The following LAMA3 variants were observed in gnomAD, a reference collection of about 807,000 sequenced individuals.
LAMA3 encodes laminin subunit alpha-3.
In LAMA3, 281 loss-of-function variants were observed where a neutral mutation model predicts 402.0. That is an observed-to-expected ratio of 0.70 (90% confidence interval 0.63 to 0.77). The LOEUF (loss-of-function observed/expected upper bound fraction) is 0.77. Ranked by LOEUF, LAMA3 falls within the 30% of genes least tolerant of loss-of-function variation. LAMA3 has a pLI of 0.00. For missense variants in LAMA3, 3,840 were observed against 4,215.5 expected (o/e 0.91, Z 2.47); for synonymous variants, 1,431 against 1,558.4 (o/e 0.92, Z 1.93).
At position 23,710,293 on chromosome 18, in the gene LAMA3, GAAA is replaced by G. The variant is rs1195426216; in HGVS notation, c.295-3625_295-3623del. On this transcript the variant is annotated intron_variant, in intron 1 of 74. Coordinates refer to ENST00000313654, the MANE Select transcript of LAMA3 (RefSeq NM_198129.4). The stretch of plus-strand genomic sequence containing the variant: ...TTCTTCGCCTTCGGCGCCATCTTGT[GAAA>G]AGACCGCAAGTTTGATTTTCAAAAG... 7.9e-6 allele frequency: 4 copies of G among 509,386 alleles called. No individual in the cohort carries two copies. In the South Asian group the frequency reaches 8.1e-5, roughly 10 times the overall value. 31.6% of individuals were successfully genotyped at this position (509,386 alleles called of 1,614,324 possible).
At chr18:23,893,367 C>T (rs1220249585) in intron 42 of LAMA3, among the ~76,000 whole-genome samples, 1 of 152,128 alleles carries the variant, frequency 6.6e-6, no homozygotes, top group African/African-American at 2.4e-5. Flanking sequence ...TAGCTGAGAA[C>T]CTCAAAACTC....
rs576470630 is a variant in LAMA3, at chr18:23,890,482, G to T, written c.5410+365G>T. ...GGGTTATTGTCTCATCAGCTTTCCC[G>T]TGTGTGTCTGAAGAAATTGAAATAC... is the stretch of plus-strand genomic sequence containing the variant. On this transcript the variant is annotated intron_variant, in intron 42 of 74. Transcript: ENST00000313654. Among the ~76,000 whole-genome samples the T allele has an allele frequency of 6.6e-5, 10 of 152,148 alleles. No individual in the cohort carries two copies. In the East Asian group the frequency reaches 1.9e-3, roughly 29 times the overall value.
chr18:23,922,448 G>GGGCA (rs2081873969), intron 62 of LAMA3, among the ~76,000 whole-genome samples: 2 of 152,242 alleles, frequency 1.3e-5, no homozygotes, highest in Admixed American at 1.3e-4. Context: ...ACATGTGGGC[G>GGGCA]TCTGTCCATT....
chr18:23,727,501 T>A (rs752860584), intron 2 of LAMA3, among the ~76,000 whole-genome samples: 4 of 152,068 alleles, frequency 2.6e-5, no homozygotes, highest in Non-Finnish European at 4.4e-5. Context: ...AATTTTTGTA[T>A]TTTTACTACA....
chr18:23,795,997 C>T (rs1323743432), intron 12 of LAMA3: 1 of 358,060 alleles, frequency 2.8e-6, no homozygotes, highest in Non-Finnish European at 5.5e-6. Flanking sequence ...CTCGTTCACT[C>T]TCTCTCTCTC....
chr18:23,695,572 A>G (rs1181648578), intron 1 of LAMA3, among the ~76,000 whole-genome samples: 1 of 152,032 alleles, frequency 6.6e-6, no homozygotes, highest in African/African-American at 2.4e-5. Flanking sequence ...TTATAATCCT[A>G]GCACTTTGGG....
Position 23,876,898 on chromosome 18 carries a change from G to A in LAMA3, c.5112+491G>A, listed in dbSNP as rs910822512. Among the ~76,000 whole-genome samples the A allele has an allele frequency of 3.9e-5, 6 of 152,200 alleles. 1 individual carries two copies. Among genetic ancestry groups the A allele is most frequent in the South Asian group, 4.1e-4 (2 of 4,832 alleles). On this transcript the variant is annotated intron_variant, in intron 39 of 74. Coordinates refer to ENST00000313654, the MANE Select transcript of LAMA3 (RefSeq NM_198129.4). ...TAGCTGGGCATGGTGGCAGGTGCCT[G>A]TAATCCCAGCTACTCAGGAGACTGA...
At chr18:23,931,323 A>G (rs2082156328) in intron 65 of LAMA3, 122 bp downstream of exon 65, 1 of 806,730 alleles carries the variant, frequency 1.2e-6, no homozygotes, top group Non-Finnish European at 2.1e-6. Flanking sequence ...TTCACTAATA[A>G]GTCTTGTCCT....
Position 23,943,924 on chromosome 18 carries a change from T to A in LAMA3, c.9163T>A (p.Leu3055Met). ...VFALGTDGKK[L>M]RIKSKEKCND... The stretch of plus-strand genomic sequence containing the variant: ...TGCACTGGGGACAGATGGGAAAAAA[T>A]TGAGGATCAAAAGCAAGGAGAAATG... The change falls in exon 69 of 75, where the codon TTG (leucine) becomes ATG (methionine). Residue 3055 changes from leucine to methionine, a missense_variant. By Grantham distance (15) the Leu-to-Met change is conservative. Coordinates refer to ENST00000313654, the MANE Select transcript of LAMA3 (RefSeq NM_198129.4). 1 of 1,613,922 alleles carries A rather than the reference T, an allele frequency of 6.2e-7. No individual in the cohort carries two copies. The highest frequency in any genetic ancestry group is 1.1e-5 in the South Asian group (1 of 91,058).
At chr18:23,823,141 C>T (rs2063319771) in intron 20 of LAMA3, among the ~76,000 whole-genome samples, 1 of 152,180 alleles carries the variant, frequency 6.6e-6, no homozygotes, top group Admixed American at 6.5e-5. Context: ...TGTGTCAACC[C>T]AACTTGCGTG....
At chr18:23,921,297 T>C (rs1435970368) in intron 61 of LAMA3, among the ~76,000 whole-genome samples, 155 bp from the exon 62 acceptor site, 1 of 152,234 alleles carries the variant, frequency 6.6e-6, no homozygotes, top group African/African-American at 2.4e-5. Flanking sequence ...TTTAGTATCA[T>C]ATTTTTATCC....
chr18:23,924,424 T>C (rs1489153771), intron 62 of LAMA3, among the ~76,000 whole-genome samples: 1 of 152,152 alleles, frequency 6.6e-6, no homozygotes, highest in Non-Finnish European at 1.5e-5. Flanking sequence ...AATGCTGTGA[T>C]TACAGGCATG....
chr18:23,766,620 C>T (rs1310489177), intron 8 of LAMA3, among the ~76,000 whole-genome samples: 2 of 152,094 alleles, frequency 1.3e-5, no homozygotes, highest in African/African-American at 4.8e-5. Flanking sequence ...GGCAGATCAC[C>T]TGAGGTCAGG....
chr18:23,762,528 G>A (rs372606347), intron 7 of LAMA3, among the ~76,000 whole-genome samples: 53 of 151,588 alleles, frequency 3.5e-4, no homozygotes, highest in African/African-American at 1.3e-3. Flanking sequence ...GGCAGAGGTC[G>A]CAGTGAGTCG....
intron 2 of LAMA3, among the ~76,000 whole-genome samples, chr18:23,735,616 A>G (rs2061461406): frequency 6.6e-6 from 1 of 152,100 alleles, no homozygotes; most frequent in Non-Finnish European, 1.5e-5. Context: ...TGGGCTGAGC[A>G]CCTACTGTGT....
At chr18:23,871,071 G>T (rs1376580647) in intron 37 of LAMA3, among the ~76,000 whole-genome samples, 3 of 152,212 alleles carry the variant, frequency 2.0e-5, no homozygotes, top group African/African-American at 7.2e-5. Context: ...TTTAATGAAT[G>T]ACCTGAGCTG....
chr18:23,851,986 C>G (rs2063956313), intron 32 of LAMA3, among the ~76,000 whole-genome samples: 1 of 152,144 alleles, frequency 6.6e-6, no homozygotes. Flanking sequence ...TTAATGATAA[C>G]AGCCTCTTTC....
intron 2 of LAMA3, among the ~76,000 whole-genome samples, chr18:23,741,253 C>T (rs1271102756): frequency 6.6e-6 from 1 of 151,940 alleles, no homozygotes; most frequent in African/African-American, 2.4e-5. Context: ...AGTGCCAGGG[C>T]CTGAGTTTTT....
chr18:23,872,930 C>A lies in LAMA3; in HGVS notation c.4998+1269C>A, dbSNP rs962734880. On this transcript the variant is annotated intron_variant, in intron 38 of 74. Coordinates refer to ENST00000313654, the MANE Select transcript of LAMA3 (RefSeq NM_198129.4). Reference sequence around the variant, plus strand: ...GTGAAGTTTAAAGGTGGGGCCCCTGCCGCAGACAGCCTTCCTCACCTGAGT... The same window carrying A: ...GTGAAGTTTAAAGGTGGGGCCCCTGACGCAGACAGCCTTCCTCACCTGAGT... 144 of 1,366,780 alleles carry A rather than the reference C, an allele frequency of 1.1e-4. 1 individual carries two copies. The highest frequency in any genetic ancestry group is 6.4e-4 in the South Asian group (53 of 82,900). The allele number at this position is 1,366,780 out of a possible 1,614,324, so 84.7% of individuals were successfully genotyped here. A position where few individuals can be genotyped will look rare whatever the true frequency, so the allele number is the denominator to read the frequency against.
Sources: gnomAD v4.1 joint callset for allele counts (sites outside exome capture counted in the v4.1 genomes callset) on GRCh38, gnomAD v4.1.1 for gene constraint, MANE v1.5 for transcripts, NCBI Gene and HGNC (gene_info 2026-07-23, HGNC 2026-07-21) for gene names.